Variants in GPR55 observed in about 807,000 individuals in gnomAD.
The protein encoded by GPR55 is G-protein coupled receptor 55.
A neutral mutation model predicts 7.9 loss-of-function variants in GPR55; 6 were observed. The ratio of observed to expected loss-of-function variants is 0.76; its 90% CI spans 0.41 to 1.49. The LOEUF (loss-of-function observed/expected upper bound fraction) is 1.49. Among genes scored for constraint, GPR55 ranks in the 40% most tolerant of loss-of-function variants. The pLI is 0.01. For missense variants in GPR55, 376 were observed against 406.0 expected (o/e 0.93, Z 0.63); for synonymous variants, 183 against 166.8 (o/e 1.10, Z -0.75).
At chr2:230,938,229 A>G (rs1691163745) in intron 1 of GPR55, among the ~76,000 whole-genome samples, 1 of 151,674 alleles carries the variant, frequency 6.6e-6, no homozygotes, top group African/African-American at 2.4e-5. Context: ...ATCACATAAA[A>G]AGAAGCCGGC....
intron 1 of GPR55, among the ~76,000 whole-genome samples, chr2:230,941,994 C>G (rs964358005): frequency 2.0e-5 from 3 of 152,158 alleles, no homozygotes; most frequent in Admixed American, 1.3e-4. Context: ...ATCCAGAGTG[C>G]AGGGGAGCCT....
intron 1 of GPR55, among the ~76,000 whole-genome samples, chr2:230,930,479 G>C (rs1691018064): frequency 7.2e-6 from 1 of 139,018 alleles, no homozygotes; most frequent in Non-Finnish European, 1.5e-5. Context: ...TTTTTTTTTA[G>C]ACAGAGTCTC....
chr2:230,937,044 AGGCTTCCTT>A (rs1691142997), intron 1 of GPR55, among the ~76,000 whole-genome samples: 2 of 152,164 alleles, frequency 1.3e-5, no homozygotes, highest in Admixed American at 1.3e-4. Context: ...AAAACACAAT[AGGCTTCCTT>A]GAATAAAATG....
chr2:230,939,505 T>TCCTGGGCTGCCCAGCTC (rs2125065207), intron 1 of GPR55, among the ~76,000 whole-genome samples: 1 of 152,300 alleles, frequency 6.6e-6, no homozygotes, highest in South Asian at 2.1e-4. Flanking sequence ...AGTTGGCATC[T>TCCTGGGCTGCCCAGCTC]CCTGGGCTGC....
chr2:230,910,674 C>T lies in GPR55; in HGVS notation c.289G>A (p.Val97Met), dbSNP rs1431309909. 1.2e-6 allele frequency: 2 copies of T among 1,612,856 alleles called. No individual in the cohort carries two copies. Among genetic ancestry groups the T allele is most frequent in the South Asian group, 2.2e-5 (2 of 91,046 alleles). ...ATGCTGACGAAGTAAAGGCACTCCACCAGGGTGCACAGGGACGGGAAGGGG... is the reference window on the plus strand; with the variant it reads ...ATGCTGACGAAGTAAAGGCACTCCATCAGGGTGCACAGGGACGGGAAGGGG... ...QSPFPSLCTL[V>M]ECLYFVSMYG... The change falls in exon 2 of 2, where the codon GTG becomes ATG. Residue 97 changes from valine (V) to methionine (M), a missense_variant. Transcript: ENST00000650999. This position sits in a 1 kb window ranked among gnomAD's most constrained non-coding sequence, Gnocchi z 5.4.
intron 1 of GPR55, among the ~76,000 whole-genome samples, chr2:230,911,635 T>C (rs1321070807): frequency 6.6e-6 from 1 of 151,926 alleles, no homozygotes; most frequent in Non-Finnish European, 1.5e-5. Context: ...AGGGTTGGAG[T>C]CCCTTGTCAG....
At chr2:230,934,887 A>G (rs536973343) in intron 1 of GPR55, among the ~76,000 whole-genome samples, 6 of 152,210 alleles carry the variant, frequency 3.9e-5, no homozygotes, top group African/African-American at 1.4e-4. Flanking sequence ...CCACCAAGGA[A>G]GGGCATTGTC....
intron 1 of GPR55, among the ~76,000 whole-genome samples, chr2:230,936,421 C>T (rs753998859): frequency 2.6e-5 from 4 of 152,156 alleles, no homozygotes; most frequent in African/African-American, 7.2e-5. Flanking sequence ...TTATAAGGGG[C>T]TTTCCTCGCT....
chr2:230,927,449 C>T (rs1690962113), upstream of GPR55, among the ~76,000 whole-genome samples: 1 of 152,226 alleles, frequency 6.6e-6, no homozygotes, highest in Non-Finnish European at 1.5e-5. Context: ...AAGGCTCAGG[C>T]CTGTCCCTCG....
intron 1 of GPR55, among the ~76,000 whole-genome samples, chr2:230,948,616 A>T (rs1691353853): frequency 6.6e-6 from 1 of 152,174 alleles, no homozygotes; most frequent in African/African-American, 2.4e-5. Context: ...GGATTTTTTC[A>T]CTTAGAGCTG....
At position 230,910,586 on chromosome 2, in the gene GPR55, G is replaced by A. The variant is rs569616825; in HGVS notation, c.377C>T (p.Pro126Leu). Residue 126 changes from proline (P) to leucine (L), a missense_variant, in exon 2 of 2, where the codon CCG (proline) becomes CTG (leucine). By Grantham distance (98) the Pro-to-Leu change is moderately conservative. Coordinates refer to ENST00000650999, the MANE Select transcript of GPR55 (RefSeq NM_005683.4). This position sits in a 1 kb window ranked among gnomAD's most constrained non-coding sequence, Gnocchi z 5.4. Reference sequence around the variant, plus strand: ...GGACCGGAGGTGGCTCACCAGTAGCGGGTAACGGATGGCCAAGAACCGGTC... The same window carrying A: ...GGACCGGAGGTGGCTCACCAGTAGCAGGTAACGGATGGCCAAGAACCGGTC... Reference protein sequence around the residue: ...SMDRFLAIRYPLLVSHLRSPR... With the variant: ...SMDRFLAIRYLLLVSHLRSPR... The A allele has an allele frequency of 1.9e-5, 31 of 1,613,952 alleles. 1 individual carries two copies. The highest frequency in any genetic ancestry group is 3.3e-5 in the South Asian group (3 of 91,068).
chr2:230,956,596 C>A (rs1691486760), intron 1 of GPR55, among the ~76,000 whole-genome samples: 1 of 152,130 alleles, frequency 6.6e-6, no homozygotes, highest in African/African-American at 2.4e-5. Context: ...CAGACATATG[C>A]TCACTTCACC....
chr2:230,915,762 G>GA (rs980606939), intron 1 of GPR55, among the ~76,000 whole-genome samples: 3 of 152,124 alleles, frequency 2.0e-5, no homozygotes, highest in Non-Finnish European at 4.4e-5. Flanking sequence ...GGAAACCTCT[G>GA]AAAAAATAAT....
In GPR55 at chr2:230,936,354, G is replaced by A. The variant is rs112621247; in HGVS notation, c.-135+24421C>T. Among the ~76,000 whole-genome samples the A allele has an allele frequency of 5.8e-3, 878 of 152,146 alleles. 8 individuals are homozygous for A. The highest frequency in any genetic ancestry group is 0.02 in the African/African-American group (826 of 41,496). On this transcript the variant is annotated intron_variant, in intron 1 of 1. Coordinates refer to the GPR55 transcript ENST00000392039. ...TAGGAGGTAATTGAATCATGGGGGCGGTTACCCTCATCCTGTTCTCATGAT... is the reference window on the plus strand; with the variant it reads ...TAGGAGGTAATTGAATCATGGGGGCAGTTACCCTCATCCTGTTCTCATGAT...
At chr2:230,942,790 C>A (rs1396168141) in intron 1 of GPR55, among the ~76,000 whole-genome samples, 3 of 151,914 alleles carry the variant, frequency 2.0e-5, no homozygotes, top group Non-Finnish European at 4.4e-5. Flanking sequence ...AGGAACCCCC[C>A]ACTCTCCACC....
At chr2:230,912,145 T>C (rs1431429546) in intron 1 of GPR55, among the ~76,000 whole-genome samples, 1 of 152,168 alleles carries the variant, frequency 6.6e-6, no homozygotes, top group Non-Finnish European at 1.5e-5. Flanking sequence ...GGACTGGCCT[T>C]AGACATGGAA....
intron 1 of GPR55, among the ~76,000 whole-genome samples, chr2:230,947,824 A>G (rs541577628): frequency 6.6e-6 from 1 of 151,932 alleles, no homozygotes; most frequent in Non-Finnish European, 1.5e-5. Context: ...TTTTTAAAGT[A>G]CCATTGTGTT....
At chr2:230,913,565 C>T (rs757983019) in intron 1 of GPR55, among the ~76,000 whole-genome samples, 10 of 152,168 alleles carry the variant, frequency 6.6e-5, no homozygotes, top group Non-Finnish European at 1.5e-4. Context: ...AATACTTCCT[C>T]TTATTCAAAG....
chr2:230,930,417 C>T (rs1193047067), intron 1 of GPR55, among the ~76,000 whole-genome samples: 1 of 151,874 alleles, frequency 6.6e-6, no homozygotes, highest in Admixed American at 6.6e-5. Flanking sequence ...TACACACAGA[C>T]ATTTTTATCT....
Sources: gnomAD v4.1 joint callset for allele counts (sites outside exome capture counted in the v4.1 genomes callset) on GRCh38, gnomAD v4.1.1 for gene constraint, Gnocchi (gnomAD v3.1) non-coding constraint, MANE v1.5 for transcripts, NCBI Gene and HGNC (gene_info 2026-07-23, HGNC 2026-07-21) for gene names.